HOXB3: variants seen among roughly 807,000 people sequenced by gnomAD.
HOXB3 encodes homeobox protein Hox-B3.
Under a neutral mutation model 29.2 loss-of-function variants are expected in HOXB3, and 17 were observed. The observed-to-expected ratio is 0.58, with a 90% CI of 0.40 to 0.87. The LOEUF (loss-of-function observed/expected upper bound fraction) is 0.87. Ranked by LOEUF, HOXB3 falls within the 40% of genes least tolerant of loss-of-function variation. The pLI, the probability that HOXB3 is intolerant of heterozygous loss-of-function variation, is 0.00. For synonymous variants in HOXB3, 317 were observed against 285.9 expected (o/e 1.11, Z -1.10); for missense variants, 637 against 616.3 (o/e 1.03, Z -0.35).
chr17:48,560,191 G>A (rs2069146147), intron 2 of HOXB3: 1 of 152,578 alleles, frequency 6.6e-6, no homozygotes, highest in South Asian at 2.1e-4. Context: ...GGAGGGAGAA[G>A]CAGGAAAAGA....
At chr17:48,551,972 G>A (rs974451304) in intron 4 of HOXB3, 55 bp downstream of exon 4, 110 of 1,491,108 alleles carry the variant, frequency 7.4e-5, no homozygotes, top group Admixed American at 1.1e-4. Flanking sequence ...TAGAATAACA[G>A]TGACATTCCT....
intron 1 of HOXB3, chr17:48,576,355 T>A (rs1300861803): frequency 5.6e-6 from 1 of 177,750 alleles, no homozygotes; most frequent in Non-Finnish European, 1.2e-5. Context: ...CTGGCGTGAT[T>A]AAAGATGAAA....
At chr17:48,588,864 T>A (rs2070094809) in intron 1 of HOXB3, among the ~76,000 whole-genome samples, 1 of 152,136 alleles carries the variant, frequency 6.6e-6, no homozygotes, top group Non-Finnish European at 1.5e-5. Context: ...CAATGTCCCT[T>A]AATGAGAAAA....
At chr17:48,574,088 C>T (rs1459343765) in intron 1 of HOXB3, 74 bp from the exon 2 acceptor site, 1 of 562,900 alleles carries the variant, frequency 1.8e-6, no homozygotes, top group Non-Finnish European at 3.1e-6. Flanking sequence ...CTGTATAATT[C>T]TCACATTTTT....
At chr17:48,553,559 T>A (rs2068847994) in intron 3 of HOXB3, 1 of 152,018 alleles carries the variant, frequency 6.6e-6, no homozygotes, top group African/African-American at 2.4e-5. Flanking sequence ...TTACAACTGC[T>A]AGACTTTTCT....
At chr17:48,577,041 G>C (rs1231747454) in intron 1 of HOXB3, 1 of 1,545,952 alleles carries the variant, frequency 6.5e-7, no homozygotes, top group East Asian at 2.3e-5. Context: ...ACGGAGAGAG[G>C]GAGAAAGAGA....
At chr17:48,572,008 C>A (rs572390539) in intron 2 of HOXB3, among the ~76,000 whole-genome samples, 5 of 152,212 alleles carry the variant, frequency 3.3e-5, no homozygotes, top group African/African-American at 1.2e-4. Flanking sequence ...GTCTCTCTTT[C>A]TCTTTCTCTT....
At chr17:48,555,932 G>A (rs2068970666) in intron 2 of HOXB3, among the ~76,000 whole-genome samples, 2 of 151,964 alleles carry the variant, frequency 1.3e-5, no homozygotes, top group South Asian at 4.2e-4. Flanking sequence ...CCTACTCTCC[G>A]TAACAATGGC....
rs1185917483 is a variant in HOXB3, at chr17:48,552,123, C to T, written c.352G>A (p.Gly118Ser). Residue 118 changes from glycine to serine, a missense_variant, in exon 4 of 5, where the codon GGT becomes AGT. By Grantham distance (56) the Gly-to-Ser change is moderately conservative (BLOSUM62 0). Coordinates refer to ENST00000498678, the MANE Select transcript of HOXB3 (RefSeq NM_001384749.1). Reference protein sequence around the residue: ...GPSKSGPPKCGPGTNSTLTKQ... With the variant: ...GPSKSGPPKCSPGTNSTLTKQ... ...GTGAGGGTGGAGTTGGTGCCGGGACCGCACTTTGGGGGACCACTTTTGCTG... is the reference window on the plus strand; with the variant it reads ...GTGAGGGTGGAGTTGGTGCCGGGACTGCACTTTGGGGGACCACTTTTGCTG... The T allele has an allele frequency of 6.2e-7, 1 of 1,613,742 alleles. No individual in the cohort carries two copies. Among genetic ancestry groups the T allele is most frequent in the Non-Finnish European group, 8.5e-7 (1 of 1,179,856 alleles).
chr17:48,575,943 GTCTC>G (rs1305297677), intron 1 of HOXB3: 1 of 152,294 alleles, frequency 6.6e-6, no homozygotes, highest in African/African-American at 2.4e-5. Flanking sequence ...GGGTCTCTGA[GTCTC>G]TCTTTTTCCT....
intron 1 of HOXB3, among the ~76,000 whole-genome samples, chr17:48,588,724 T>A (rs1179252351): frequency 6.6e-6 from 1 of 152,252 alleles, no homozygotes; most frequent in African/African-American, 2.4e-5. Context: ...TGGGATGATA[T>A]GTCTTCAAAC....
rs2068874050 is a variant in HOXB3, at chr17:48,554,281, G to C, written c.-159+1250C>G. On this transcript the variant is annotated intron_variant, in intron 3 of 4. Transcript: ENST00000498678. The surrounding 1 kb of genome is among the most constrained non-coding windows in gnomAD (Gnocchi z 4.1). The stretch of plus-strand genomic sequence containing the variant: ...AGAGAATGAAATAAAAACGTTGGAG[G>C]GGGTTGGCTGGCTAGGCCCTGGCTT... 1 of 240,190 alleles carries C rather than the reference G, an allele frequency of 4.2e-6. No individual in the cohort carries two copies. Among genetic ancestry groups the C allele is most frequent in the Non-Finnish European group, 8.2e-6 (1 of 122,492 alleles). 14.9% of individuals were successfully genotyped at this position (240,190 alleles called of 1,614,324 possible).
intron 1 of HOXB3, chr17:48,577,903 G>A (rs1377213999): frequency 2.2e-6 from 3 of 1,379,202 alleles, no homozygotes; most frequent in East Asian, 2.8e-5. Flanking sequence ...GGTAGACGAC[G>A]GGCTCTTTGC....
At position 48,554,490 on chromosome 17, in the gene HOXB3, T is replaced by G; in HGVS notation, c.-159+1041A>C. ...GAAAGCGAAGGAGCCAGAGACGCGA[T>G]AGGAAAGAATGGAGACTCCGCCGGT... On this transcript the variant is annotated intron_variant, in intron 3 of 4. Coordinates refer to ENST00000498678, the MANE Select transcript of HOXB3 (RefSeq NM_001384749.1). The surrounding 1 kb of genome is among the most constrained non-coding windows in gnomAD (Gnocchi z 4.1). The G allele has an allele frequency of 3.3e-6, 2 of 612,954 alleles. No homozygotes were observed. The highest frequency in any genetic ancestry group is 5.8e-6 in the Non-Finnish European group (2 of 343,972). 38.0% of individuals were successfully genotyped at this position (612,954 alleles called of 1,614,324 possible).
chr17:48,551,122 CCCCGCT>C lies in HOXB3; in HGVS notation c.502_507del (p.Ser168_Gly169del), dbSNP rs747430643. ...CCTCCCCCGCCGCCGCCGCCACCGC[CCCCGCT>C]GCCACCACTGCCTCCGCCGCCGCCG... is the stretch of plus-strand genomic sequence containing the variant. On this transcript the variant is annotated inframe_deletion, in exon 5 of 5. Transcript: ENST00000498678. 7 of 1,351,484 alleles carry C rather than the reference CCCCGCT, an allele frequency of 5.2e-6. No individual in the cohort carries two copies. The highest frequency in any genetic ancestry group is 6.7e-6 in the Non-Finnish European group (7 of 1,051,740). The allele number at this position is 1,351,484 out of a possible 1,614,324, so 83.7% of individuals were successfully genotyped here.
chr17:48,552,582 C>CG lies in HOXB3; in HGVS notation c.-109_-108insC, dbSNP rs1304664255. The CG allele has an allele frequency of 1.2e-5, 9 of 767,574 alleles. No homozygotes were observed. The highest frequency in any genetic ancestry group is 1.1e-4 in the East Asian group (4 of 34,960). The allele number at this position is 767,574 out of a possible 1,614,324, so 47.5% of individuals were successfully genotyped here. A position where few individuals can be genotyped will look rare whatever the true frequency, so the allele number is the denominator to read the frequency against. ...ACGTGACACGCCGGACCCCCCCCCC[C>CG]CACCTCCCCTCTCTGCCCCCCTCCT... On this transcript the variant is annotated 5_prime_UTR_variant, in exon 4 of 5. It introduces an in-frame stop codon into an upstream open reading frame of the 5' UTR. Transcript: ENST00000498678.
chr17:48,586,019 G>A (rs1162104449), intron 1 of HOXB3, among the ~76,000 whole-genome samples: 2 of 152,186 alleles, frequency 1.3e-5, no homozygotes, highest in Admixed American at 6.5e-5. Flanking sequence ...GGATCGTTGC[G>A]ACCAAAACCA....
rs571967868 is a variant in HOXB3 at position 48,578,627 on chromosome 17, C to CAG, written c.-424-4615_-424-4614dup. The CAG allele has an allele frequency of 2.1e-3, 722 of 346,238 alleles. 5 individuals carry two copies. Among genetic ancestry groups the CAG allele is most frequent in the African/African-American group, 0.015 (678 of 44,242 alleles). 21.4% of individuals were successfully genotyped at this position (346,238 alleles called of 1,614,324 possible). On this transcript the variant is annotated intron_variant, in intron 1 of 4. Transcript: ENST00000498678. ...CTCCTTGCCTCGCTCTCTCCGGGAT[C>CAG]AGAGAGAGAGCGAGAGAGAGAGCGC...
In HOXB3 at chr17:48,550,123, G is replaced by C; in HGVS notation, c.*211C>G. 1.7e-6 allele frequency: 1 copy of C among 601,718 alleles called. No homozygotes were observed. The highest frequency in any genetic ancestry group is 2.9e-6 in the Non-Finnish European group (1 of 346,354). 37.3% of individuals were successfully genotyped at this position (601,718 alleles called of 1,614,324 possible). A position where few individuals can be genotyped will look rare whatever the true frequency, so the allele number is the denominator to read the frequency against. Reference sequence around the variant, plus strand: ...TCCAATATGATGTGGATTCCTTTCCGATGGGTTGGCAGGCAGATGGAACAA... The same window carrying C: ...TCCAATATGATGTGGATTCCTTTCCCATGGGTTGGCAGGCAGATGGAACAA... On this transcript the variant is annotated 3_prime_UTR_variant, in exon 5 of 5. Coordinates refer to ENST00000498678, the MANE Select transcript of HOXB3 (RefSeq NM_001384749.1).
Sources: allele counts gnomAD v4.1 joint callset (sites outside exome capture counted in the v4.1 genomes callset), GRCh38; gene constraint gnomAD v4.1.1; non-coding constraint Gnocchi (gnomAD v3.1); transcripts MANE v1.5; gene names NCBI Gene and HGNC (gene_info 2026-07-23, HGNC 2026-07-21).